SCD5: variants seen among roughly 807,000 people sequenced by gnomAD.
SCD5 encodes the protein acyl-CoA-desaturase 4.
In SCD5, 20 loss-of-function variants were observed where a neutral mutation model predicts 30.4. The observed-to-expected ratio is 0.66, with a 90% CI of 0.46 to 0.96. SCD5 has a LOEUF of 0.96. Ranked by LOEUF, SCD5 falls within the 40% of genes least tolerant of loss-of-function variation. SCD5 has a pLI of 0.00. For missense variants in SCD5, 381 were observed against 443.3 expected (o/e 0.86, Z 1.26); for synonymous variants, 173 against 176.4 (o/e 0.98, Z 0.16).
chr4:82,655,014 C>A (rs1288986178), intron 3 of SCD5, among the ~76,000 whole-genome samples: 7 of 152,164 alleles, frequency 4.6e-5, no homozygotes, highest in Non-Finnish European at 4.4e-5. Context: ...CCTCACCATG[C>A]CAGTCAGAAA....
At chr4:82,655,244 C>T (rs531133378) in intron 3 of SCD5, among the ~76,000 whole-genome samples, 1 of 152,326 alleles carries the variant, frequency 6.6e-6, no homozygotes, top group South Asian at 2.1e-4. Flanking sequence ...TTTGTATCTT[C>T]CATACCCCTC....
intron 1 of SCD5, among the ~76,000 whole-genome samples, chr4:82,795,274 T>C (rs1015807604): frequency 6.6e-6 from 1 of 152,188 alleles, no homozygotes; most frequent in African/African-American, 2.4e-5. Context: ...GCTAAGCCTA[T>C]TTCCTCTACA....
At chr4:82,667,291 C>CGCAT (rs1560528749) in intron 3 of SCD5, among the ~76,000 whole-genome samples, 14 of 152,222 alleles carry the variant, frequency 9.2e-5, no homozygotes, top group African/African-American at 1.7e-4. Flanking sequence ...CACACACGCA[C>CGCAT]GCACGCACGC....
intron 1 of SCD5, among the ~76,000 whole-genome samples, chr4:82,731,387 C>G (rs1720640630): frequency 6.6e-6 from 1 of 152,220 alleles, no homozygotes; most frequent in South Asian, 2.1e-4. Flanking sequence ...GGCTTCCTCT[C>G]CTCTCTCCCT....
At chr4:82,712,263 T>C (rs1560540711) in intron 1 of SCD5, among the ~76,000 whole-genome samples, 1 of 43,140 alleles carries the variant, frequency 2.3e-5, no homozygotes, top group Admixed American at 2.4e-4. Flanking sequence ...TATATATATA[T>C]ATATATATAT....
intron 1 of SCD5, among the ~76,000 whole-genome samples, chr4:82,744,083 C>A (rs907258166): frequency 6.6e-6 from 1 of 152,180 alleles, no homozygotes; most frequent in African/African-American, 2.4e-5. Context: ...GCCTCAGCCT[C>A]CCAAATTGCT....
Position 82,798,141 on chromosome 4 carries a change from G to A in SCD5, c.232+165C>T, listed in dbSNP as rs372523324. ...ACAGAAACACCTGCCCGTCCCAAGG[G>A]ACGGAAAACTGGATGCCAAGGGGGC... On this transcript the variant is annotated intron_variant, in intron 1 of 4. Coordinates refer to ENST00000319540, the MANE Select transcript of SCD5 (RefSeq NM_001037582.3). Among the ~76,000 whole-genome samples the A allele has an allele frequency of 4.0e-5, 6 of 150,758 alleles. No individual in the cohort carries two copies. In the South Asian group the frequency reaches 1.0e-3, roughly 26 times the overall value.
At chr4:82,740,324 C>G (rs1720847131) in intron 1 of SCD5, among the ~76,000 whole-genome samples, 3 of 152,176 alleles carry the variant, frequency 2.0e-5, no homozygotes, top group Non-Finnish European at 4.4e-5. Flanking sequence ...CTGTTGATCA[C>G]CTTCCCTAGG....
chr4:82,642,368 T>C (rs1727563117), intron 3 of SCD5, among the ~76,000 whole-genome samples: 2 of 152,164 alleles, frequency 1.3e-5, no homozygotes, highest in Admixed American at 1.3e-4. Flanking sequence ...GGCTGGAGTG[T>C]TGAACATAGA....
chr4:82,701,852 C>T (rs919938353), intron 2 of SCD5, among the ~76,000 whole-genome samples: 2 of 152,170 alleles, frequency 1.3e-5, no homozygotes, highest in Non-Finnish European at 2.9e-5. Context: ...CCAGCAGAAG[C>T]AGATGCATGA....
chr4:82,693,702 A>G (rs556600815), intron 2 of SCD5, among the ~76,000 whole-genome samples: 1 of 152,280 alleles, frequency 6.6e-6, no homozygotes, highest in South Asian at 2.1e-4. Context: ...CATTGTCCAG[A>G]GCAAGCTCAG....
At chr4:82,664,999 C>CTCTATATATATATATATATATATA (rs1219554314) in intron 3 of SCD5, among the ~76,000 whole-genome samples, 1 of 70,486 alleles carries the variant, frequency 1.4e-5, no homozygotes, top group African/African-American at 7.5e-5. Context: ...CTCTCTCTCT[C>CTCTATATATATATATATATATATA]TATATATATA....
chr4:82,731,322 C>T (rs949707399), intron 1 of SCD5, among the ~76,000 whole-genome samples: 1 of 152,216 alleles, frequency 6.6e-6, no homozygotes, highest in South Asian at 2.1e-4. Context: ...CTAGGACAGC[C>T]TTGGGGAGCC....
At chr4:82,682,520 T>A (rs991168512) in intron 2 of SCD5, among the ~76,000 whole-genome samples, 1 of 152,210 alleles carries the variant, frequency 6.6e-6, no homozygotes, top group Non-Finnish European at 1.5e-5. Context: ...ACATTAGCCT[T>A]TTCTGATTAT....
chr4:82,748,335 G>A (rs1026952461), intron 1 of SCD5, among the ~76,000 whole-genome samples: 1 of 152,030 alleles, frequency 6.6e-6, no homozygotes, highest in African/African-American at 2.4e-5. Flanking sequence ...AGGGCACGGG[G>A]GAGAGGAGGG....
chr4:82,798,244 CGCGCGCCCCA>C (rs1281102928), intron 1 of SCD5, 52 bp downstream of exon 1: 2 of 1,289,108 alleles, frequency 1.6e-6, no homozygotes, highest in African/African-American at 1.6e-5. Context: ...GCGGCGACCT[CGCGCGCCCCA>C]GCGCGGCCTG....
intron 1 of SCD5, among the ~76,000 whole-genome samples, chr4:82,769,574 C>T (rs80301310): frequency 0.039 from 5,904 of 152,104 alleles, 158 homozygotes; most frequent in African/African-American, 0.075. Context: ...TATATTGATG[C>T]ATTTTTTTCT....
At chr4:82,705,452 C>T (rs757291014) in intron 1 of SCD5, 39 bp from the exon 2 acceptor site, 2 of 1,609,716 alleles carry the variant, frequency 1.2e-6, no homozygotes, top group South Asian at 2.2e-5. Context: ...ACAATGGTCC[C>T]TGAGCTTTCA....
At chr4:82,637,955 G>C (rs1727467468) in intron 3 of SCD5, among the ~76,000 whole-genome samples, 1 of 152,084 alleles carries the variant, frequency 6.6e-6, no homozygotes, top group Non-Finnish European at 1.5e-5. Context: ...ATGGTTTGCT[G>C]CACCTGTCAA....
Sources: allele counts gnomAD v4.1 joint callset (sites outside exome capture counted in the v4.1 genomes callset), GRCh38; gene constraint gnomAD v4.1.1; transcripts MANE v1.5; gene names NCBI Gene and HGNC (gene_info 2026-07-23, HGNC 2026-07-21).